Variants in PLEKHS1 observed in about 807,000 individuals in gnomAD.
PLEKHS1 encodes the protein pleckstrin homology domain-containing family S member 1.
PLEKHS1 carries 55 observed loss-of-function variants against 51.0 expected under a neutral mutation model. That is an observed-to-expected ratio of 1.08 (90% CI 0.87 to 1.35). The LOEUF (loss-of-function observed/expected upper bound fraction) is 1.35. PLEKHS1 is among the 40% of genes most tolerant of loss of function. The pLI is 0.00. For missense variants in PLEKHS1, 398 were observed against 423.0 expected (o/e 0.94, Z 0.52); for synonymous variants, 153 against 144.8 (o/e 1.06, Z -0.41).
intron 2 of PLEKHS1, among the ~76,000 whole-genome samples, chr10:113,758,771 C>G (rs1843788280): frequency 6.6e-6 from 1 of 152,156 alleles, no homozygotes; most frequent in Non-Finnish European, 1.5e-5. Flanking sequence ...AATCAGAACA[C>G]ACACAACATT....
chr10:113,765,778 G>C (rs1844134735), intron 2 of PLEKHS1, among the ~76,000 whole-genome samples: 1 of 152,066 alleles, frequency 6.6e-6, no homozygotes, highest in Non-Finnish European at 1.5e-5. Flanking sequence ...GTTTTAGCTT[G>C]GATTTGCTTT....
intron 2 of PLEKHS1, among the ~76,000 whole-genome samples, chr10:113,756,340 A>G (rs1854111732): frequency 6.6e-6 from 1 of 152,142 alleles, no homozygotes; most frequent in African/African-American, 2.4e-5. Context: ...GTGCGCCTGT[A>G]ATCCCAGCTA....
At chr10:113,773,559 G>T (rs578009569) in intron 8 of PLEKHS1, among the ~76,000 whole-genome samples, 1 of 152,186 alleles carries the variant, frequency 6.6e-6, no homozygotes, top group African/African-American at 2.4e-5. Flanking sequence ...TCAGTAGGCC[G>T]AAAGGAAAGA....
chr10:113,774,797 A>G, intron 9 of PLEKHS1, 29 bp from the exon 10 acceptor site: 6 of 1,585,578 alleles, frequency 3.8e-6, no homozygotes, highest in Non-Finnish European at 5.2e-6. Flanking sequence ...ATGCTAAAAT[A>G]GGGCTTGTTT....
At position 113,777,789 on chromosome 10, in the gene PLEKHS1, G is replaced by A. The variant is rs188219724; in HGVS notation, c.1091+1923G>A. 2.3e-5 allele frequency: 33 copies of A among 1,441,702 alleles called. No homozygotes were observed. In the East Asian group the frequency reaches 4.2e-4, roughly 18 times the overall value. The allele number at this position is 1,441,702 out of a possible 1,614,324, so 89.3% of individuals were successfully genotyped here. On this transcript the variant is annotated intron_variant, in intron 11 of 11. Coordinates refer to ENST00000361048, the Ensembl canonical transcript of PLEKHS1. Reference sequence around the variant, plus strand: ...CCTCAGTTTCATTATCTCAGAAATCGTCACAGCCCTAACTTCCTCATAGAA... The same window carrying A: ...CCTCAGTTTCATTATCTCAGAAATCATCACAGCCCTAACTTCCTCATAGAA...
chr10:113,769,648 A>T (rs1844309995), intron 6 of PLEKHS1, 136 bp from the exon 7 acceptor site: 1 of 682,994 alleles, frequency 1.5e-6, no homozygotes, highest in Non-Finnish European at 2.6e-6. Context: ...TGGTGAAATA[A>T]TGCTGGCAGG....
At chr10:113,760,949 G>A (rs549182544) in intron 2 of PLEKHS1, among the ~76,000 whole-genome samples, 2 of 152,258 alleles carry the variant, frequency 1.3e-5, no homozygotes, top group Middle Eastern at 3.4e-3. Context: ...TAGCTCTCAT[G>A]TTAAGGTCAT....
exon 5 of PLEKHS1, chr10:113,767,350 C>G: frequency 6.3e-7 from 1 of 1,598,666 alleles, no homozygotes. Flanking sequence ...AATAGAAATT[C>G]CAGTGTAGAA....
chr10:113,775,336 C>T (rs1186201251), intron 10 of PLEKHS1, among the ~76,000 whole-genome samples: 1 of 152,174 alleles, frequency 6.6e-6, no homozygotes, highest in African/African-American at 2.4e-5. Flanking sequence ...TAGCATGTCA[C>T]TCAGTTTTCC....
chr10:113,763,535 C>T (rs1203349485), intron 2 of PLEKHS1, among the ~76,000 whole-genome samples: 1 of 152,002 alleles, frequency 6.6e-6, no homozygotes, highest in East Asian at 1.9e-4. Flanking sequence ...CCTTTTCTGC[C>T]TTCTTTTGGA....
chr10:113,768,772 T>C (rs1457835005), intron 5 of PLEKHS1, 43 bp from the exon 6 acceptor site: 1 of 1,481,068 alleles, frequency 6.8e-7, no homozygotes, highest in Admixed American at 1.7e-5. Flanking sequence ...CAAAAGGCAC[T>C]ATTGTTGCCA....
rs889147184 is a variant in PLEKHS1 at position 113,757,084 on chromosome 10, T to G, written c.28+1779T>G. On this transcript the variant is annotated intron_variant, in intron 2 of 11. Transcript: ENST00000361048. Reference sequence around the variant, plus strand: ...TGCCACCATGCCTGGCTCATTTTTTTGTGTGTTTTTAGTAGATACAGGGTT... The same window carrying G: ...TGCCACCATGCCTGGCTCATTTTTTGGTGTGTTTTTAGTAGATACAGGGTT... 1.1e-4 allele frequency among the ~76,000 whole-genome samples: 16 copies of G among 152,120 alleles called. 1 individual carries two copies. Among genetic ancestry groups the G allele is most frequent in the African/African-American group, 3.6e-4 (15 of 41,426 alleles).
chr10:113,757,083 T>G (rs1187383564), intron 2 of PLEKHS1, among the ~76,000 whole-genome samples: 3 of 152,162 alleles, frequency 2.0e-5, no homozygotes, highest in African/African-American at 4.8e-5. Flanking sequence ...GCTCATTTTT[T>G]TGTGTGTTTT....
At chr10:113,756,467 A>C (rs1025392860) in intron 2 of PLEKHS1, among the ~76,000 whole-genome samples, 1 of 152,218 alleles carries the variant, frequency 6.6e-6, no homozygotes, top group Admixed American at 6.5e-5. Context: ...TCTCAAAAAA[A>C]TAAAATAAAT....
At chr10:113,769,930 C>T in intron 7 of PLEKHS1, 30 bp downstream of exon 7, 1 of 1,492,326 alleles carries the variant, frequency 6.7e-7, no homozygotes. Flanking sequence ...TCTCAGGACA[C>T]CACACCTGGG....
rs759853886 is a variant in PLEKHS1, at chr10:113,766,504, G to A, written c.117+5G>A. On this transcript the variant is annotated splice_donor_5th_base_variant and intron_variant, in intron 3 of 11. Transcript: ENST00000361048. ...TCTCAGCTGTTCTCCTCTGTGGTAA[G>A]TATTTGCTGTGATTTAACAAGCCTC... 1.3e-6 allele frequency: 2 copies of A among 1,598,188 alleles called. No homozygotes were observed. Among genetic ancestry groups the A allele is most frequent in the Admixed American group, 3.4e-5 (2 of 59,616 alleles).
At chr10:113,777,823 G>T in intron 11 of PLEKHS1, 1 of 1,385,042 alleles carries the variant, frequency 7.2e-7, no homozygotes, top group Non-Finnish European at 9.4e-7. Flanking sequence ...AATATTGCAA[G>T]AATTAAACAT....
intron 8 of PLEKHS1, among the ~76,000 whole-genome samples, chr10:113,773,547 T>C (rs1183182410): frequency 6.6e-6 from 1 of 152,000 alleles, no homozygotes; most frequent in East Asian, 1.9e-4. Context: ...CTGAACATGA[T>C]TTCAGTAGGC....
rs149560648 is a variant in PLEKHS1 at position 113,776,599 on chromosome 10, T to G, written c.1091+733T>G. Among the ~76,000 whole-genome samples the G allele has an allele frequency of 4.4e-3, 668 of 152,306 alleles. 5 individuals are homozygous for G. Among genetic ancestry groups the G allele is most frequent in the African/African-American group, 0.015 (641 of 41,564 alleles). On this transcript the variant is annotated intron_variant, in intron 11 of 11. Transcript: ENST00000361048. ...ACTCCTCCATAACTGAGCTGCTACA[T>G]TCCTTAATTCATTTATTTGTTCATT...
Sources: gnomAD v4.1 joint callset for allele counts (sites outside exome capture counted in the v4.1 genomes callset) on GRCh38, gnomAD v4.1.1 for gene constraint, MANE v1.5 for transcripts, NCBI Gene and HGNC (gene_info 2026-07-23, HGNC 2026-07-21) for gene names.